LRIG1: variants seen among roughly 807,000 people sequenced by gnomAD.
LRIG1 encodes leucine rich repeats and immunoglobulin like domains 1, also known as leucine-rich repeats and immunoglobulin-like domains protein 1.
In LRIG1, 48 loss-of-function variants were observed where a neutral mutation model predicts 99.2. The observed-to-expected ratio is 0.48, with a 90% CI of 0.38 to 0.62. The LOEUF is 0.62. Ranked by LOEUF, LRIG1 falls within the 20% of genes least tolerant of loss-of-function variation. The pLI is 0.00. For missense variants in LRIG1, 1,646 were observed against 1,434.4 expected, an observed-to-expected ratio of 1.15 and a Z score of -2.38; for synonymous variants, 772 against 596.1, an observed-to-expected ratio of 1.29 and a Z score of -4.30.
intron 1 of LRIG1, among the ~76,000 whole-genome samples, chr3:66,477,671 T>A (rs561585498): frequency 6.6e-6 from 1 of 152,172 alleles, no homozygotes; most frequent in South Asian, 2.1e-4. Context: ...TCAAACCTTA[T>A]CCTTTCCACC....
chr3:66,395,738 T>C (rs6768200), intron 11 of LRIG1, among the ~76,000 whole-genome samples: 8,284 of 152,244 alleles, frequency 0.054, 756 homozygotes, highest in African/African-American at 0.19. Flanking sequence ...TCAATTCCCA[T>C]GCAGTGTTTG....
rs1048381244 is a variant in LRIG1 at position 66,445,824 on chromosome 3, C to A, written c.365+5735G>T. ...GAATAAGTCTGCCCATCCCCACACA[C>A]ACATGCAGTGGGAATGCCAGCCGCT... is the stretch of plus-strand genomic sequence containing the variant. On this transcript the variant is annotated intron_variant, in intron 3 of 18. Transcript: ENST00000273261. Among the ~76,000 whole-genome samples the A allele has an allele frequency of 3.7e-4, 57 of 152,328 alleles. 1 individual carries two copies. Among genetic ancestry groups the A allele is most frequent in the African/African-American group, 1.4e-3 (57 of 41,572 alleles).
rs200530582 is a variant in LRIG1 at position 66,383,339 on chromosome 3, G to T, written c.2134C>A (p.Leu712Ile). The T allele has an allele frequency of 6.3e-7, 1 of 1,595,994 alleles. No individual in the cohort carries two copies. The highest frequency in any genetic ancestry group is 8.6e-7 in the Non-Finnish European group (1 of 1,166,786). The change falls in exon 15 of 19, where the codon CTC becomes ATC. Residue 712 changes from leucine (L) to isoleucine (I), a missense_variant. Leu to Ile is a conservative substitution (Grantham distance 5). Coordinates refer to ENST00000273261, the MANE Select transcript of LRIG1 (RefSeq NM_015541.3). ...RVVSVGETVA[L>I]QCKATGNPPP... is the part of the protein sequence containing the mutation. ...GGGTTCCCCGTGGCTTTGCATTGGA[G>T]GGCCACTGTTTCTCCCACAGATACC...
At chr3:66,474,491 G>T (rs903167504) in intron 1 of LRIG1, among the ~76,000 whole-genome samples, 5 of 151,650 alleles carry the variant, frequency 3.3e-5, no homozygotes, top group African/African-American at 1.2e-4. Flanking sequence ...GATTACAGGC[G>T]CCCGCCACTG....
At position 66,386,491 on chromosome 3, in the gene LRIG1, G is replaced by A. The variant is rs1701383077; in HGVS notation, c.1469-190C>T. 5 of 593,666 alleles carry A rather than the reference G, an allele frequency of 8.4e-6. No individual in the cohort carries two copies. The South Asian group carries it at 1.0e-4, about 12-fold the overall frequency. 36.8% of individuals were successfully genotyped at this position (593,666 alleles called of 1,614,324 possible). On this transcript the variant is annotated intron_variant, in intron 12 of 18. Coordinates refer to ENST00000273261, the MANE Select transcript of LRIG1 (RefSeq NM_015541.3). ...ATGGACATCTGACCTCATCTAATTA[G>A]AAGTCTGTGAGTACTGATCACCTTT...
chr3:66,391,936 T>C (rs1701635563), intron 12 of LRIG1, among the ~76,000 whole-genome samples: 1 of 152,204 alleles, frequency 6.6e-6, no homozygotes, highest in Non-Finnish European at 1.5e-5. Flanking sequence ...AGAAATGCTG[T>C]ACATTTTAGC....
At chr3:66,467,893 C>A (rs1190434617) in intron 1 of LRIG1, among the ~76,000 whole-genome samples, 1 of 152,148 alleles carries the variant, frequency 6.6e-6, no homozygotes, top group Admixed American at 6.5e-5. Flanking sequence ...TCTGAGCTAC[C>A]CAATAACTCG....
chr3:66,456,377 T>C (rs1700220562), intron 2 of LRIG1, among the ~76,000 whole-genome samples: 1 of 152,080 alleles, frequency 6.6e-6, no homozygotes, highest in Non-Finnish European at 1.5e-5. Context: ...AGCCCAGTAG[T>C]TCGAGACTAG....
chr3:66,405,233 G>C lies in LRIG1; in HGVS notation c.1125C>G (p.Ser375Arg), dbSNP rs745480946. ...NEISGTIEDT[S>R]GAFSGLDSLS... ...GGCTGTCGAGCCCTGAGAAGGCGCC[G>C]CTCGTGTCCTCTATTGTGCCCGAAA... The change falls in exon 9 of 19, where the codon AGC becomes AGG. Residue 375 changes from serine (S) to arginine (R), a missense_variant. Coordinates refer to ENST00000273261, the MANE Select transcript of LRIG1 (RefSeq NM_015541.3). 18 of 1,614,066 alleles carry C rather than the reference G, an allele frequency of 1.1e-5. No individual in the cohort carries two copies. Among genetic ancestry groups the C allele is most frequent in the Non-Finnish European group, 1.5e-5 (18 of 1,180,018 alleles).
chr3:66,394,133 T>C lies in LRIG1; in HGVS notation c.1375A>G (p.Met459Val). The C allele has an allele frequency of 6.2e-7, 1 of 1,612,372 alleles. No individual in the cohort carries two copies. The highest frequency in any genetic ancestry group is 8.5e-7 in the Non-Finnish European group (1 of 1,179,502). Residue 459 changes from methionine to valine, a missense_variant, in exon 12 of 19, where the codon ATG becomes GTG. Met to Val is a conservative substitution (Grantham distance 21). Transcript: ENST00000273261. Reference protein sequence around the residue: ...KWLPPWLIGRMLQAFVTATCA... With the variant: ...KWLPPWLIGRVLQAFVTATCA... ...GTGGCTGTCACAAAGGCCTGCAGCATCCTGCCAATTAGCCACGGGGGCAGC... is the reference window on the plus strand; with the variant it reads ...GTGGCTGTCACAAAGGCCTGCAGCACCCTGCCAATTAGCCACGGGGGCAGC...
chr3:66,472,760 G>A (rs144696069), intron 1 of LRIG1, among the ~76,000 whole-genome samples: 67 of 152,132 alleles, frequency 4.4e-4, no homozygotes, highest in African/African-American at 1.4e-3. Context: ...TACTTCCTCT[G>A]GGTGCGACAG....
chr3:66,452,024 T>C (rs1703921031), intron 2 of LRIG1, among the ~76,000 whole-genome samples: 1 of 152,136 alleles, frequency 6.6e-6, no homozygotes, highest in South Asian at 2.1e-4. Flanking sequence ...AAGGGCAACA[T>C]GTGTGGAACA....
intron 3 of LRIG1, among the ~76,000 whole-genome samples, chr3:66,451,110 T>C (rs1017743468): frequency 4.6e-5 from 7 of 152,192 alleles, no homozygotes; most frequent in Non-Finnish European, 5.9e-5. Flanking sequence ...TAGTTTTACG[T>C]TGATTCCAGA....
intron 3 of LRIG1, among the ~76,000 whole-genome samples, chr3:66,449,866 C>T (rs1403314176): frequency 6.6e-6 from 1 of 152,212 alleles, no homozygotes; most frequent in Non-Finnish European, 1.5e-5. Context: ...AACTCGTGGA[C>T]AAACGGCCAG....
intron 3 of LRIG1, among the ~76,000 whole-genome samples, chr3:66,418,392 C>G (rs1702690595): frequency 6.6e-6 from 1 of 152,236 alleles, no homozygotes; most frequent in Non-Finnish European, 1.5e-5. Flanking sequence ...CACAGCTGGC[C>G]TGTGCGCACC....
chr3:66,496,243 T>C (rs920468904), intron 1 of LRIG1, among the ~76,000 whole-genome samples: 2 of 152,254 alleles, frequency 1.3e-5, no homozygotes, highest in African/African-American at 2.4e-5. Context: ...AGTTCTGACA[T>C]GTCCTAAAGG....
chr3:66,395,463 G>A (rs2107972562), intron 11 of LRIG1, among the ~76,000 whole-genome samples: 1 of 152,286 alleles, frequency 6.6e-6, no homozygotes, highest in African/African-American at 2.4e-5. Flanking sequence ...TCTTCCTCAT[G>A]TTCCCCATCA....
At chr3:66,493,006 T>A (rs912897291) in intron 1 of LRIG1, among the ~76,000 whole-genome samples, 2 of 152,216 alleles carry the variant, frequency 1.3e-5, no homozygotes, top group Non-Finnish European at 2.9e-5. Context: ...AAAGTTACTA[T>A]GCAATTCCAA....
At chr3:66,383,469 C>G in intron 14 of LRIG1, 68 bp from the exon 15 acceptor site, 1 of 1,373,656 alleles carries the variant, frequency 7.3e-7, no homozygotes, top group East Asian at 2.3e-5. Flanking sequence ...GCCCGGTCTT[C>G]TGGACAACGG....
Sources: gnomAD v4.1 joint callset for allele counts (sites outside exome capture counted in the v4.1 genomes callset) on GRCh38, gnomAD v4.1.1 for gene constraint, MANE v1.5 for transcripts, NCBI Gene and HGNC (gene_info 2026-07-23, HGNC 2026-07-21) for gene names.